RGS17: variants seen among roughly 807,000 people sequenced by gnomAD.
RGS17 encodes the protein regulator of G protein signaling 17.
Under a neutral mutation model 25.5 loss-of-function variants are expected in RGS17, and 12 were observed. The observed-to-expected ratio is 0.47, with a 90% CI of 0.30 to 0.76. RGS17 has a LOEUF of 0.76. RGS17 is among the 30% of genes least tolerant of loss of function. The pLI, the probability that RGS17 is intolerant of heterozygous loss-of-function variation, is 0.07. For missense variants in RGS17, 196 were observed against 242.2 expected (o/e 0.81, Z 1.27); for synonymous variants, 71 against 76.9 (o/e 0.92, Z 0.40).
chr6:153,119,650 G>C (rs1777595622), intron 1 of RGS17, among the ~76,000 whole-genome samples: 1 of 152,102 alleles, frequency 6.6e-6, no homozygotes, highest in South Asian at 2.1e-4. Flanking sequence ...CCGAGATCAC[G>C]CCATTGCACT....
chr6:153,036,721 A>G (rs1776247911), intron 2 of RGS17, among the ~76,000 whole-genome samples: 1 of 152,194 alleles, frequency 6.6e-6, no homozygotes, highest in Non-Finnish European at 1.5e-5. Context: ...TGCAAGCAAT[A>G]TGGAGTCATC....
intron 1 of RGS17, among the ~76,000 whole-genome samples, chr6:153,056,838 CTG>C (rs59058708): frequency 0.059 from 8,533 of 144,230 alleles, 347 homozygotes; most frequent in South Asian, 0.21. Context: ...AGAGGAAGGG[CTG>C]TGTGTGTGTG....
intron 1 of RGS17, among the ~76,000 whole-genome samples, chr6:153,079,572 TTC>T: frequency 6.6e-6 from 1 of 152,322 alleles, no homozygotes; most frequent in South Asian, 2.1e-4. Flanking sequence ...TCATATGGCT[TTC>T]TTTTTTATTT....
At chr6:153,036,106 T>C (rs1247092326) in intron 2 of RGS17, among the ~76,000 whole-genome samples, 2 of 152,142 alleles carry the variant, frequency 1.3e-5, no homozygotes, top group Non-Finnish European at 2.9e-5. Context: ...CAGGCTTGAG[T>C]GCAGTCATGT....
chr6:153,100,225 G>A (rs774869513), intron 1 of RGS17, among the ~76,000 whole-genome samples: 16 of 152,224 alleles, frequency 1.1e-4, no homozygotes, highest in Middle Eastern at 3.4e-3. Context: ...TTTTATTTAT[G>A]TGCACATACT....
chr6:153,081,428 T>C (rs999396878), intron 1 of RGS17, among the ~76,000 whole-genome samples: 1 of 152,170 alleles, frequency 6.6e-6, no homozygotes, highest in African/African-American at 2.4e-5. Context: ...TATATCTTTG[T>C]TTATCCTTTT....
intron 1 of RGS17, among the ~76,000 whole-genome samples, chr6:153,085,656 T>C (rs1025617662): frequency 6.6e-6 from 1 of 152,210 alleles, no homozygotes; most frequent in African/African-American, 2.4e-5. Flanking sequence ...GTAGCACAAC[T>C]CTGAAAGAAA....
rs1051028542 is a variant in RGS17 at position 153,069,779 on chromosome 6, G to T, written c.-25-25736C>A. Among the ~76,000 whole-genome samples, 15 of 123,174 alleles carry T rather than the reference G, an allele frequency of 1.2e-4. 1 individual carries two copies. Among genetic ancestry groups the T allele is most frequent in the Non-Finnish European group, 2.2e-4 (12 of 54,228 alleles). The allele number at this position is 123,174 out of a possible 152,430, so 80.8% of individuals were successfully genotyped here. A position where few individuals can be genotyped will look rare whatever the true frequency, so the allele number is the denominator to read the frequency against. ...GTGTGTGTGTGTGTGTGTATCTACT[G>T]TGTAGCCACAAAAATTAAAAACTAA... On this transcript the variant is annotated intron_variant, in intron 1 of 4. Coordinates refer to ENST00000206262, the MANE Select transcript of RGS17 (RefSeq NM_012419.5).
chr6:153,106,090 T>C (rs975467918), intron 1 of RGS17, among the ~76,000 whole-genome samples: 1 of 152,136 alleles, frequency 6.6e-6, no homozygotes, highest in Non-Finnish European at 1.5e-5. Flanking sequence ...TGGTTATGGA[T>C]AGTTTACATA....
chr6:153,111,823 A>G (rs914606534), intron 1 of RGS17, among the ~76,000 whole-genome samples: 1 of 152,238 alleles, frequency 6.6e-6, no homozygotes, highest in Non-Finnish European at 1.5e-5. Flanking sequence ...GACCTCCTGT[A>G]AACTCCAGCA....
chr6:153,100,003 A>AT (rs1345284968), intron 1 of RGS17, among the ~76,000 whole-genome samples: 1 of 152,180 alleles, frequency 6.6e-6, no homozygotes, highest in African/African-American at 2.4e-5. Flanking sequence ...TATTTAGTAC[A>AT]TTCTCCTTGA....
At chr6:153,080,869 AG>A (rs1776969095) in intron 1 of RGS17, among the ~76,000 whole-genome samples, 1 of 152,068 alleles carries the variant, frequency 6.6e-6, no homozygotes, top group African/African-American at 2.4e-5. Context: ...TTATTTGGAA[AG>A]GTGTAGTTTG....
chr6:153,069,739 CGTGTGTGTGT>C (rs60117149), intron 1 of RGS17, among the ~76,000 whole-genome samples: 7 of 140,938 alleles, frequency 5.0e-5, no homozygotes, highest in Non-Finnish European at 7.9e-5. Context: ...ATATACACCT[CGTGTGTGTGT>C]GTGTGTGTGT....
At chr6:153,033,317 G>C (rs766075922) in intron 2 of RGS17, among the ~76,000 whole-genome samples, 1 of 152,120 alleles carries the variant, frequency 6.6e-6, no homozygotes, top group East Asian at 1.9e-4. Context: ...TACACGGTAC[G>C]TTTATGTTCA....
chr6:153,051,782 T>G (rs935329694), intron 1 of RGS17, among the ~76,000 whole-genome samples: 1 of 152,164 alleles, frequency 6.6e-6, no homozygotes, highest in Non-Finnish European at 1.5e-5. Context: ...AGCCAATCCA[T>G]ATTGCACAAA....
chr6:153,018,663 C>A (rs1779209357), intron 4 of RGS17, among the ~76,000 whole-genome samples: 2 of 152,230 alleles, frequency 1.3e-5, no homozygotes, highest in African/African-American at 4.8e-5. Flanking sequence ...TCCAGCCCAT[C>A]ACAATTTTTA....
intron 1 of RGS17, among the ~76,000 whole-genome samples, chr6:153,062,741 A>G (rs1776656202): frequency 1.3e-5 from 2 of 151,960 alleles, no homozygotes; most frequent in Admixed American, 1.3e-4. Flanking sequence ...CCTTCTTTCC[A>G]CTTGAGGAGA....
At chr6:153,064,913 A>T (rs1776686943) in intron 1 of RGS17, among the ~76,000 whole-genome samples, 1 of 152,178 alleles carries the variant, frequency 6.6e-6, no homozygotes, top group South Asian at 2.1e-4. Context: ...CCACAGTACA[A>T]CCAGAAAACA....
At chr6:153,089,575 T>C (rs1028385584) in intron 1 of RGS17, among the ~76,000 whole-genome samples, 7 of 152,106 alleles carry the variant, frequency 4.6e-5, no homozygotes, top group African/African-American at 1.7e-4. Flanking sequence ...AGTAGATGTG[T>C]TCAAAAAGTG....
Sources: allele counts gnomAD v4.1 joint callset (sites outside exome capture counted in the v4.1 genomes callset), GRCh38; gene constraint gnomAD v4.1.1; transcripts MANE v1.5; gene names NCBI Gene and HGNC (gene_info 2026-07-23, HGNC 2026-07-21).